Variants in WDR88 observed in about 807,000 individuals in gnomAD.
WDR88 encodes the protein WD repeat domain 88, also known as WD repeat-containing protein 88.
A neutral mutation model predicts 46.8 loss-of-function variants in WDR88; 40 were observed. The ratio of observed to expected loss-of-function variants is 0.86; its 90% CI spans 0.66 to 1.11. WDR88 has a LOEUF of 1.11. Among genes scored for constraint, WDR88 ranks in the 50% most tolerant of loss-of-function variants. The probability of loss-of-function intolerance (pLI) is 0.00; values close to 1 mark genes in which losing one functional copy is unlikely to be tolerated. For synonymous variants in WDR88, 235 were observed against 240.7 expected (o/e 0.98, Z 0.22); for missense variants, 562 against 602.4 (o/e 0.93, Z 0.70).
chr19:33,134,707 C>G lies in WDR88; in HGVS notation c.276+2262C>G, dbSNP rs531419005. On this transcript the variant is annotated intron_variant, in intron 1 of 10. Transcript: ENST00000355868. ...GCCCGACGGGGTTAGCGAACTCCCC[C>G]GGAGAAAAGCCCGGTCCCAGCTCTC... is the stretch of plus-strand genomic sequence containing the variant. Among the ~76,000 whole-genome samples the G allele has an allele frequency of 3.9e-5, 6 of 152,152 alleles. No individual in the cohort carries two copies. In the South Asian group the frequency reaches 1.2e-3, roughly 32 times the overall value.
intron 5 of WDR88, among the ~76,000 whole-genome samples, 193 bp from the exon 6 acceptor site, chr19:33,150,988 A>G (rs1010639689): frequency 2.6e-4 from 39 of 152,366 alleles, no homozygotes; most frequent in Non-Finnish European, 5.0e-4. Flanking sequence ...CTGCGGGGGC[A>G]GGGAACCTGC....
intron 8 of WDR88, among the ~76,000 whole-genome samples, chr19:33,160,760 T>C (rs781521397): frequency 4.6e-5 from 7 of 151,910 alleles, no homozygotes; most frequent in Non-Finnish European, 1.0e-4. Flanking sequence ...GAAGGAGGTG[T>C]TTGAGCTGAG....
In WDR88 at chr19:33,175,386, C is replaced by T; in HGVS notation, c.1243-10C>T. The T allele has an allele frequency of 6.2e-7, 1 of 1,613,718 alleles. No individual in the cohort carries two copies. Among genetic ancestry groups the T allele is most frequent in the Non-Finnish European group, 8.5e-7 (1 of 1,179,720 alleles). Reference sequence around the variant, plus strand: ...CCTCCTTTCTGCTCTTTTAAAATATCCCATGTCAGTGCGAAAGATGTGACA... The same window carrying T: ...CCTCCTTTCTGCTCTTTTAAAATATTCCATGTCAGTGCGAAAGATGTGACA... On this transcript the variant is annotated splice_polypyrimidine_tract_variant and intron_variant, in intron 10 of 10. Transcript: ENST00000355868.
chr19:33,158,780 A>G (rs1310011124), intron 7 of WDR88, among the ~76,000 whole-genome samples: 1 of 151,968 alleles, frequency 6.6e-6, no homozygotes, highest in East Asian at 1.9e-4. Context: ...GCTCACTGCA[A>G]CCTCTGCCTC....
chr19:33,164,915 A>G (rs1245404553), intron 9 of WDR88, among the ~76,000 whole-genome samples: 2 of 151,890 alleles, frequency 1.3e-5, no homozygotes, highest in South Asian at 2.1e-4. Context: ...ACAACCCACC[A>G]TTATGTAGAA....
At position 33,156,390 on chromosome 19, in the gene WDR88, C is replaced by A; in HGVS notation, c.845C>A (p.Thr282Asn). The change falls in exon 7 of 11, where the codon ACC (threonine) becomes AAC (asparagine). Residue 282 changes from threonine (T) to asparagine (N), a missense_variant. By Grantham distance (65) the Thr-to-Asn change is moderately conservative. Coordinates refer to ENST00000355868, the MANE Select transcript of WDR88 (RefSeq NM_173479.4). ...AATGCAATCTCAAACTGCTGTTTTA[C>A]CTTCAGTGGCCATTTCCTGTGTACA... ...HSNAISNCCF[T>N]FSGHFLCTSS... is the part of the protein sequence containing the mutation. 1 of 1,614,126 alleles carries A rather than the reference C, an allele frequency of 6.2e-7. No individual in the cohort carries two copies. The highest frequency in any genetic ancestry group is 1.7e-5 in the Admixed American group (1 of 59,998).
At chr19:33,140,422 A>G (rs1049602696) in intron 2 of WDR88, among the ~76,000 whole-genome samples, 2 of 152,168 alleles carry the variant, frequency 1.3e-5, no homozygotes, top group South Asian at 2.1e-4. Flanking sequence ...AGCTTCCCAA[A>G]GTGCTGGAAC....
intron 2 of WDR88, among the ~76,000 whole-genome samples, chr19:33,143,784 G>GT (rs1422716434): frequency 6.6e-6 from 1 of 152,102 alleles, no homozygotes; most frequent in African/African-American, 2.4e-5. Flanking sequence ...CTGTGAAAAT[G>GT]TTGTCATAGG....
chr19:33,175,510 T>A lies in WDR88; in HGVS notation c.1357T>A (p.Ser453Thr). 6.2e-7 allele frequency: 1 copy of A among 1,614,186 alleles called. No homozygotes were observed. Among genetic ancestry groups the A allele is most frequent in the Non-Finnish European group, 8.5e-7 (1 of 1,180,028 alleles). The change falls in exon 11 of 11, where the codon TCG (serine) becomes ACG (threonine). Residue 453 changes from serine to threonine, a missense_variant. Transcript: ENST00000355868. ...DTRGLPADTS[S>T]SSSSSERENS... ...AAGGGGCTTGCCAGCAGATACTTCA[T>A]CGTCATCATCATCATCGGAAAGGGA... is the stretch of plus-strand genomic sequence containing the variant.
chr19:33,149,652 T>A (rs571920769), intron 5 of WDR88, among the ~76,000 whole-genome samples: 12 of 150,526 alleles, frequency 8.0e-5, no homozygotes, highest in Non-Finnish European at 1.6e-4. Flanking sequence ...CCGGCCTACC[T>A]GTATCTTTTT....
In WDR88 at chr19:33,156,553, A is replaced by C; in HGVS notation, c.997+11A>C. ...ACTTTGCCAGAGACAGTGAGTAATTAACATGCAGAAGGCCTCCATTCCTGT... is the reference window on the plus strand; with the variant it reads ...ACTTTGCCAGAGACAGTGAGTAATTCACATGCAGAAGGCCTCCATTCCTGT... On this transcript the variant is annotated intron_variant, in intron 7 of 10. Coordinates refer to ENST00000355868, the MANE Select transcript of WDR88 (RefSeq NM_173479.4). 1.9e-6 allele frequency: 3 copies of C among 1,609,030 alleles called. No homozygotes were observed. The highest frequency in any genetic ancestry group is 2.5e-6 in the Non-Finnish European group (3 of 1,177,020).
chr19:33,146,460 CTTCT>C (rs879476233), intron 3 of WDR88, among the ~76,000 whole-genome samples: 2,514 of 61,710 alleles, frequency 0.041, 59 homozygotes, highest in East Asian at 0.27. Context: ...TCCTTCCTTC[CTTCT>C]TTCCTTCCTT....
At chr19:33,149,722 G>A (rs964361640) in intron 5 of WDR88, among the ~76,000 whole-genome samples, 1 of 151,504 alleles carries the variant, frequency 6.6e-6, no homozygotes, top group Non-Finnish European at 1.5e-5. Flanking sequence ...GTAGTGGTGC[G>A]ATCTCGGGTC....
At chr19:33,142,080 G>T (rs1973406978) in intron 2 of WDR88, among the ~76,000 whole-genome samples, 1 of 152,182 alleles carries the variant, frequency 6.6e-6, no homozygotes, top group Non-Finnish European at 1.5e-5. Flanking sequence ...GAGAGGGGAG[G>T]CCAGGGGAGA....
intron 1 of WDR88, 60 bp downstream of exon 1, chr19:33,132,505 C>T (rs1164203507): frequency 6.3e-7 from 1 of 1,585,396 alleles, no homozygotes; most frequent in South Asian, 1.1e-5. Context: ...GAGGAAGGCG[C>T]TCGAGCTGTC....
intron 6 of WDR88, among the ~76,000 whole-genome samples, chr19:33,154,929 A>G (rs1178741336): frequency 6.6e-6 from 1 of 152,110 alleles, no homozygotes; most frequent in Non-Finnish European, 1.5e-5. Flanking sequence ...CTCTGATCTG[A>G]GCTCTAGAAA....
chr19:33,163,496 CAAAA>C (rs138403620), intron 8 of WDR88, among the ~76,000 whole-genome samples: 14,254 of 151,846 alleles, frequency 0.094, 1,050 homozygotes, highest in Admixed American at 0.24. Context: ...AACTCTGTCT[CAAAA>C]CAAACAAACA....
intron 2 of WDR88, among the ~76,000 whole-genome samples, chr19:33,138,149 G>A (rs143992385): frequency 1.3e-5 from 2 of 151,794 alleles, no homozygotes; most frequent in East Asian, 1.9e-4. Context: ...CCATTCTGCT[G>A]CCTCAGCCTC....
At chr19:33,174,152 CTG>C in intron 10 of WDR88, 3 of 1,535,918 alleles carry the variant, frequency 2.0e-6, no homozygotes, top group Non-Finnish European at 2.6e-6. Context: ...CGCACCCAAA[CTG>C]GGATCTAATC....
Sources: allele counts gnomAD v4.1 joint callset (sites outside exome capture counted in the v4.1 genomes callset), GRCh38; gene constraint gnomAD v4.1.1; transcripts MANE v1.5; gene names NCBI Gene and HGNC (gene_info 2026-07-23, HGNC 2026-07-21).